The following DAAM1 variants were observed in gnomAD, a reference collection of about 807,000 sequenced individuals.
DAAM1 encodes dishevelled associated activator of morphogenesis 1.
In DAAM1, 52 loss-of-function variants were observed where a neutral mutation model predicts 130.0. That is an observed-to-expected ratio of 0.40 (90% confidence interval 0.32 to 0.50). DAAM1 has a LOEUF of 0.50. Ranked by LOEUF, DAAM1 falls within the 20% of genes least tolerant of loss-of-function variation. The pLI is 0.61. For synonymous variants in DAAM1, 452 were observed against 444.5 expected, an observed-to-expected ratio of 1.02 and a Z score of -0.21; for missense variants, 1,134 against 1,303.8, an observed-to-expected ratio of 0.87 and a Z score of 2.01.
intron 1 of DAAM1, among the ~76,000 whole-genome samples, chr14:59,229,166 A>G (rs1162478270): frequency 6.6e-6 from 1 of 152,176 alleles, no homozygotes; most frequent in Non-Finnish European, 1.5e-5. Flanking sequence ...AGTGGAAGAT[A>G]TTTTGATTTA....
rs563805256 is a variant in DAAM1 at position 59,297,769 on chromosome 14, G to T, written c.273+6463G>T. The stretch of plus-strand genomic sequence containing the variant: ...ATTGTTCTCTTTTATTATTACTGTT[G>T]ATAATCTCTTACTGTGCCTAATTTA... On this transcript the variant is annotated intron_variant, in intron 3 of 24. Transcript: ENST00000360909. Among the ~76,000 whole-genome samples the T allele has an allele frequency of 2.6e-4, 40 of 152,154 alleles. No individual in the cohort carries two copies. The South Asian group carries it at 8.1e-3, about 31-fold the overall frequency.
intron 1 of DAAM1, among the ~76,000 whole-genome samples, chr14:59,238,498 C>T (rs1338072716): frequency 2.0e-5 from 3 of 152,112 alleles, no homozygotes; most frequent in Non-Finnish European, 2.9e-5. Flanking sequence ...TGTTTCCCAC[C>T]CTCTGGAGAC....
intron 16 of DAAM1, among the ~76,000 whole-genome samples, chr14:59,341,713 A>G (rs1209877593): frequency 6.6e-6 from 1 of 152,238 alleles, no homozygotes; most frequent in Non-Finnish European, 1.5e-5. Flanking sequence ...TGTACAGTGT[A>G]AACAATTTGT....
At position 59,368,996 on chromosome 14, in the gene DAAM1, T is replaced by A; in HGVS notation, c.*137T>A. 1 of 690,270 alleles carries A rather than the reference T, an allele frequency of 1.4e-6. No individual in the cohort carries two copies. Among genetic ancestry groups the A allele is most frequent in the South Asian group, 1.9e-5 (1 of 51,570 alleles). 42.8% of individuals were successfully genotyped at this position (690,270 alleles called of 1,614,324 possible). On this transcript the variant is annotated 3_prime_UTR_variant, in exon 25 of 25. Coordinates refer to ENST00000360909, the MANE Select transcript of DAAM1 (RefSeq NM_001270520.2). ...GTGAGTGAATGTGTGAACGTGTGTA[T>A]GTAAATGTATGTGTGTATATATTAA...
intron 15 of DAAM1, among the ~76,000 whole-genome samples, chr14:59,334,159 A>G (rs1885539979): frequency 6.6e-6 from 1 of 152,198 alleles, no homozygotes; most frequent in South Asian, 2.1e-4. Flanking sequence ...TTAACTGTAA[A>G]TATATTTTCT....
chr14:59,315,367 T>C lies in DAAM1; in HGVS notation c.345+16T>C. Reference sequence around the variant, plus strand: ...CATGGCTGCTGTAAGTAGACTTTTATGTTCTTTGACACACTGTTTAAAATG... The same window carrying C: ...CATGGCTGCTGTAAGTAGACTTTTACGTTCTTTGACACACTGTTTAAAATG... On this transcript the variant is annotated intron_variant, in intron 4 of 24. Coordinates refer to ENST00000360909, the MANE Select transcript of DAAM1 (RefSeq NM_001270520.2). The C allele has an allele frequency of 6.2e-7, 1 of 1,612,058 alleles. No homozygotes were observed. The highest frequency in any genetic ancestry group is 8.5e-7 in the Non-Finnish European group (1 of 1,178,438).
At chr14:59,326,213 A>G in intron 10 of DAAM1, 136 bp downstream of exon 10, 2 of 811,348 alleles carry the variant, frequency 2.5e-6, no homozygotes, top group Non-Finnish European at 3.9e-6. Context: ...ACAGCCAAGT[A>G]TGTGTGTCTA....
At chr14:59,211,080 G>T (rs1566650623) in intron 1 of DAAM1, among the ~76,000 whole-genome samples, 1 of 152,158 alleles carries the variant, frequency 6.6e-6, no homozygotes, top group Non-Finnish European at 1.5e-5. Context: ...TATTGTAGGA[G>T]AAATGGTTTT....
intron 3 of DAAM1, among the ~76,000 whole-genome samples, chr14:59,314,151 ACT>A (rs1884696306): frequency 6.6e-6 from 1 of 152,034 alleles, no homozygotes; most frequent in East Asian, 1.9e-4. Flanking sequence ...CCTTGAAACC[ACT>A]CTCCTGAGGG....
chr14:59,324,532 C>A, intron 8 of DAAM1, 78 bp downstream of exon 8: 1 of 869,660 alleles, frequency 1.1e-6, no homozygotes, highest in African/African-American at 1.7e-5. Flanking sequence ...AAGTGCTGGC[C>A]TGTGGTTACT....
intron 1 of DAAM1, among the ~76,000 whole-genome samples, chr14:59,258,085 C>G (rs1881991642): frequency 6.6e-6 from 1 of 152,206 alleles, no homozygotes; most frequent in African/African-American, 2.4e-5. Flanking sequence ...TTCCTGCCTT[C>G]CCCAAAGCAC....
rs1317650742 is a variant in DAAM1 at position 59,287,400 on chromosome 14, T to A, written c.184-3817T>A. On this transcript the variant is annotated intron_variant, in intron 2 of 24. Transcript: ENST00000360909. The stretch of plus-strand genomic sequence containing the variant: ...AGACAAGTATGCCCATTCTCACCAC[T>A]TCTATGCAACGTGGTATTGGAATTG... Among the ~76,000 whole-genome samples, 5 of 152,284 alleles carry A rather than the reference T, an allele frequency of 3.3e-5. No homozygotes were observed. In the East Asian group the frequency reaches 9.7e-4, roughly 29 times the overall value.
rs553536525 is a variant in DAAM1, at chr14:59,298,131, A to ATAT, written c.273+6828_273+6830dup. Among the ~76,000 whole-genome samples, 202 of 152,318 alleles carry ATAT rather than the reference A, an allele frequency of 1.3e-3. 1 individual carries two copies. The highest frequency in any genetic ancestry group is 4.7e-3 in the African/African-American group (196 of 41,582). On this transcript the variant is annotated intron_variant, in intron 3 of 24. Transcript: ENST00000360909. ...TTTAAAAATTCATGCAATGTATTTT[A>ATAT]TATTAGGTTTTAGCCAGAGAAGCGG...
In DAAM1 at chr14:59,368,786, G is replaced by A. The variant is rs866846147; in HGVS notation, c.3134G>A (p.Arg1045Gln). Residue 1045 changes from arginine (R) to glutamine (Q), a missense_variant, in exon 25 of 25, where the codon CGG becomes CAG. Arg to Gln is a conservative substitution (Grantham distance 43). Around this residue, in one of 3 missense-constraint regions of DAAM1, gnomAD observed 644 missense variants for 695.9 expected, o/e 0.93. Transcript: ENST00000360909. ...GACAAAGACCTTTCTAAATTGAAAC[G>A]GAATCGCAAACGTATTACCAACCAG... ...VFDKDLSKLK[R>Q]NRKRITNQMT... is the part of the protein sequence containing the mutation. The A allele has an allele frequency of 9.9e-6, 16 of 1,613,966 alleles. No individual in the cohort carries two copies. The highest frequency in any genetic ancestry group is 1.4e-5 in the Non-Finnish European group (16 of 1,179,938).
intron 1 of DAAM1, among the ~76,000 whole-genome samples, chr14:59,220,094 T>C (rs1056694290): frequency 6.6e-6 from 1 of 152,210 alleles, no homozygotes; most frequent in Admixed American, 6.5e-5. Flanking sequence ...GTTTCAGTTC[T>C]TGATTTTAAG....
chr14:59,251,411 C>T (rs1198606599), intron 1 of DAAM1, among the ~76,000 whole-genome samples: 1 of 151,334 alleles, frequency 6.6e-6, no homozygotes, highest in African/African-American at 2.4e-5. Flanking sequence ...AGGTTCTTCC[C>T]TCAGTCATCT....
At chr14:59,288,276 T>C (rs1415008850) in intron 2 of DAAM1, among the ~76,000 whole-genome samples, 1 of 152,142 alleles carries the variant, frequency 6.6e-6, no homozygotes, top group Non-Finnish European at 1.5e-5. Context: ...TAACTCAAGA[T>C]AGATTGAAGA....
Position 59,347,637 on chromosome 14 carries a change from T to C in DAAM1, c.2160+14T>C. 3.1e-6 allele frequency: 5 copies of C among 1,612,786 alleles called. No homozygotes were observed. The highest frequency in any genetic ancestry group is 4.2e-6 in the Non-Finnish European group (5 of 1,179,124). On this transcript the variant is annotated intron_variant, in intron 17 of 24. Coordinates refer to ENST00000360909, the MANE Select transcript of DAAM1 (RefSeq NM_001270520.2). ...ATGTTGGAACAGGTGAGCTACCAGA[T>C]GTATCTGAGAGCAGAAGTGAAAAGC...
At chr14:59,250,379 A>G (rs1270021882) in intron 1 of DAAM1, among the ~76,000 whole-genome samples, 1 of 152,210 alleles carries the variant, frequency 6.6e-6, no homozygotes, top group African/African-American at 2.4e-5. Flanking sequence ...ACATAGAAAA[A>G]CTTTTAAATG....
Sources: gnomAD v4.1 joint callset for allele counts (sites outside exome capture counted in the v4.1 genomes callset) on GRCh38, gnomAD v4.1.1 for gene constraint, gnomAD v4.1.1 regional missense constraint, MANE v1.5 for transcripts, NCBI Gene and HGNC (gene_info 2026-07-23, HGNC 2026-07-21) for gene names.